EPHA3: variants seen among roughly 807,000 people sequenced by gnomAD.
EPHA3 encodes the protein EPH receptor A3.
In EPHA3, 42 loss-of-function variants were observed where a neutral mutation model predicts 107.1. The observed-to-expected ratio is 0.39, with a 90% CI of 0.31 to 0.51. The LOEUF (loss-of-function observed/expected upper bound fraction) is 0.51. Ranked by LOEUF, EPHA3 falls within the 20% of genes least tolerant of loss-of-function variation. The probability of loss-of-function intolerance (pLI) is 0.78; values close to 1 mark genes in which losing one functional copy is unlikely to be tolerated. For missense variants in EPHA3, 1,183 were observed against 1,211.2 expected (o/e 0.98, Z 0.35); for synonymous variants, 461 against 424.8 (o/e 1.09, Z -1.05).
chr3:89,403,650 G>A (rs1709005280), intron 7 of EPHA3, among the ~76,000 whole-genome samples: 1 of 152,180 alleles, frequency 6.6e-6, no homozygotes, highest in Non-Finnish European at 1.5e-5. Context: ...GAAACCCTCA[G>A]TGGGGAAAAA....
chr3:89,451,364 T>C (rs1384161728), intron 15 of EPHA3, among the ~76,000 whole-genome samples: 7 of 152,158 alleles, frequency 4.6e-5, no homozygotes, highest in Non-Finnish European at 1.0e-4. Flanking sequence ...TAAATATTAA[T>C]ATATTTGGTG....
chr3:89,467,375 G>T (rs1005861889), intron 15 of EPHA3, among the ~76,000 whole-genome samples: 2 of 152,126 alleles, frequency 1.3e-5, no homozygotes, highest in African/African-American at 4.8e-5. Flanking sequence ...TAATGTTACA[G>T]TATGCATCTC....
At chr3:89,357,206 C>T (rs1707983427) in intron 5 of EPHA3, among the ~76,000 whole-genome samples, 1 of 144,550 alleles carries the variant, frequency 6.9e-6, no homozygotes, top group Non-Finnish European at 1.5e-5. Context: ...AACCAGGTGG[C>T]AACAAATGTT....
At chr3:89,338,448 T>C (rs1559652436) in intron 3 of EPHA3, among the ~76,000 whole-genome samples, 1 of 152,256 alleles carries the variant, frequency 6.6e-6, no homozygotes, top group Non-Finnish European at 1.5e-5. Context: ...CTGCCCATTT[T>C]CTATTGCAAG....
chr3:89,121,762 A>G (rs919963368), intron 1 of EPHA3, among the ~76,000 whole-genome samples: 7 of 152,128 alleles, frequency 4.6e-5, no homozygotes, highest in Admixed American at 6.5e-5. Flanking sequence ...TCTCAAAAAA[A>G]AAAAAAAAAT....
intron 2 of EPHA3, among the ~76,000 whole-genome samples, chr3:89,151,200 T>C (rs1235323123): frequency 6.6e-6 from 1 of 152,100 alleles, no homozygotes; most frequent in African/African-American, 2.4e-5. Context: ...CATGTGTGTC[T>C]AATAGTCTAC....
chr3:89,313,393 C>T (rs1473307607), intron 3 of EPHA3, among the ~76,000 whole-genome samples: 1 of 151,882 alleles, frequency 6.6e-6, no homozygotes, highest in Admixed American at 6.6e-5. Flanking sequence ...CTGCTTCTCT[C>T]AATGATGTTT....
Position 89,316,510 on chromosome 3 carries a change from AT to A in EPHA3, c.815-24405del, listed in dbSNP as rs1559644340. Among the ~76,000 whole-genome samples, 108 of 90,158 alleles carry A rather than the reference AT, an allele frequency of 1.2e-3. 1 individual carries two copies. Among genetic ancestry groups the A allele is most frequent in the African/African-American group, 4.0e-3 (92 of 23,014 alleles). The allele number at this position is 90,158 out of a possible 152,430, so 59.1% of individuals were successfully genotyped here. ...GTGTGTGTGTGTGTGTGTGTAATAT[AT>A]ATATATATATATATATATATATATA... On this transcript the variant is annotated intron_variant, in intron 3 of 16. Transcript: ENST00000336596.
chr3:89,397,832 C>T (rs1288859800), intron 6 of EPHA3, among the ~76,000 whole-genome samples: 1 of 152,204 alleles, frequency 6.6e-6, no homozygotes, highest in Non-Finnish European at 1.5e-5. Flanking sequence ...ATCCACCCGC[C>T]TGGGCCTCCC....
chr3:89,214,938 C>G (rs1704189330), intron 3 of EPHA3, among the ~76,000 whole-genome samples: 1 of 151,832 alleles, frequency 6.6e-6, no homozygotes, highest in African/African-American at 2.4e-5. Flanking sequence ...AATGTTAAGC[C>G]TAGGTTTTGT....
intron 11 of EPHA3, among the ~76,000 whole-genome samples, chr3:89,425,403 GTT>G (rs71621549): frequency 0.019 from 2,565 of 136,454 alleles, 65 homozygotes; most frequent in African/African-American, 0.063. Flanking sequence ...TCCATCTCCC[GTT>G]TTTTTTTTTT....
intron 2 of EPHA3, among the ~76,000 whole-genome samples, chr3:89,197,081 C>G (rs1559595552): frequency 6.6e-6 from 1 of 152,108 alleles, no homozygotes; most frequent in Admixed American, 6.6e-5. Context: ...TATTCAAACC[C>G]TTTACTAAAT....
chr3:89,230,272 C>T (rs2107223135), intron 3 of EPHA3, among the ~76,000 whole-genome samples: 1 of 152,084 alleles, frequency 6.6e-6, no homozygotes, highest in South Asian at 2.1e-4. Context: ...GTGAAAATGG[C>T]CTCTAGATAG....
intron 11 of EPHA3, among the ~76,000 whole-genome samples, chr3:89,426,479 A>G (rs770622376): frequency 6.6e-5 from 10 of 151,840 alleles, no homozygotes; most frequent in Non-Finnish European, 1.0e-4. Flanking sequence ...AGACTTGCCC[A>G]TCTTAACTGA....
At chr3:89,127,106 T>C (rs998024042) in intron 1 of EPHA3, 103 bp from the exon 2 acceptor site, 8 of 851,826 alleles carry the variant, frequency 9.4e-6, no homozygotes, top group Non-Finnish European at 1.6e-5. Context: ...GGAAGAGTTA[T>C]GTTTTTTGAG....
chr3:89,436,261 T>C (rs1181930127), intron 13 of EPHA3, among the ~76,000 whole-genome samples: 1 of 152,224 alleles, frequency 6.6e-6, no homozygotes, highest in African/African-American at 2.4e-5. Context: ...GTTTATTTGA[T>C]TTAGTGTGCT....
chr3:89,241,739 C>A, intron 3 of EPHA3, among the ~76,000 whole-genome samples: 1 of 152,100 alleles, frequency 6.6e-6, no homozygotes, highest in East Asian at 1.9e-4. Context: ...AACGTACATT[C>A]TTTGTTTCTC....
chr3:89,387,370 C>T (rs1708642814), intron 5 of EPHA3, among the ~76,000 whole-genome samples: 1 of 152,160 alleles, frequency 6.6e-6, no homozygotes, highest in African/African-American at 2.4e-5. Context: ...TTCCCTGCCA[C>T]TTCACTCTGC....
intron 2 of EPHA3, among the ~76,000 whole-genome samples, chr3:89,180,665 A>G (rs1008040951): frequency 1.3e-5 from 2 of 151,994 alleles, no homozygotes; most frequent in Admixed American, 6.6e-5. Context: ...TGCAGCTGAT[A>G]AAACAATTGG....
Sources: gnomAD v4.1 joint callset for allele counts (sites outside exome capture counted in the v4.1 genomes callset) on GRCh38, gnomAD v4.1.1 for gene constraint, MANE v1.5 for transcripts, NCBI Gene and HGNC (gene_info 2026-07-23, HGNC 2026-07-21) for gene names.